Variants in CD247 observed in about 807,000 individuals in gnomAD.
The protein encoded by CD247 is T-cell surface glycoprotein CD3 zeta chain.
CD247 carries 13 observed loss-of-function variants against 30.0 expected under a neutral mutation model. The observed-to-expected ratio is 0.43, with a 90% confidence interval of 0.28 to 0.69. The LOEUF (loss-of-function observed/expected upper bound fraction) is 0.69. Among genes scored for constraint, CD247 ranks in the 30% least tolerant of loss-of-function variants. The pLI, the probability that CD247 is intolerant of heterozygous loss-of-function variation, is 0.16. For synonymous variants in CD247, 72 were observed against 80.0 expected (o/e 0.90, Z 0.53); for missense variants, 193 against 212.6 (o/e 0.91, Z 0.57).
chr1:167,438,741 GGGT>G (rs1651670348), intron 3 of CD247, 91 bp from the exon 4 acceptor site: 7 of 1,013,818 alleles, frequency 6.9e-6, no homozygotes, highest in Non-Finnish European at 1.1e-5. Flanking sequence ...TCCCTCTCTG[GGGT>G]GGCTCATAAA....
At chr1:167,489,493 G>A (rs1380909642) in intron 1 of CD247, among the ~76,000 whole-genome samples, 2 of 152,162 alleles carry the variant, frequency 1.3e-5, no homozygotes, top group African/African-American at 4.8e-5. Flanking sequence ...GGAATTCCAT[G>A]GGAAGTTTGA....
At chr1:167,434,114 T>G (rs760093486) in intron 5 of CD247, 38 bp from the exon 6 acceptor site, 2 of 1,592,516 alleles carry the variant, frequency 1.3e-6, no homozygotes, top group Non-Finnish European at 1.7e-6. Flanking sequence ...TTTTACCAAC[T>G]AATGCAGAAA....
chr1:167,436,172 A>G (rs1412322576), intron 4 of CD247, among the ~76,000 whole-genome samples: 1 of 152,264 alleles, frequency 6.6e-6, no homozygotes, highest in Non-Finnish European at 1.5e-5. Context: ...AAACGAAATC[A>G]ATAAACATGA....
At chr1:167,516,593 G>A (rs7549453) in intron 1 of CD247, among the ~76,000 whole-genome samples, 7,945 of 152,210 alleles carry the variant, frequency 0.052, 696 homozygotes, top group African/African-American at 0.18. Flanking sequence ...CGCAGCCCTC[G>A]GTGTCAAGGC....
Position 167,431,764 on chromosome 1 carries a change from C to A in CD247, c.430-18G>T. On this transcript the variant is annotated intron_variant, in intron 7 of 7. Coordinates refer to ENST00000362089, the MANE Select transcript of CD247 (RefSeq NM_198053.3). ...CTGAGACCCTGGCGTGAAAGCAAAT[C>A]AGAAAACAAAGAGTGGGTCAGTAGC... 5.0e-6 allele frequency: 8 copies of A among 1,613,208 alleles called. No homozygotes were observed. Among genetic ancestry groups the A allele is most frequent in the Non-Finnish European group, 6.8e-6 (8 of 1,179,248 alleles).
At chr1:167,461,816 C>T (rs1192995574) in intron 1 of CD247, among the ~76,000 whole-genome samples, 1 of 144,096 alleles carries the variant, frequency 6.9e-6, no homozygotes, top group African/African-American at 2.5e-5. Context: ...CCACTGCACT[C>T]CAGCCTGGGC....
intron 1 of CD247, among the ~76,000 whole-genome samples, chr1:167,470,685 G>A (rs936157799): frequency 8.6e-5 from 13 of 151,504 alleles, no homozygotes; most frequent in Admixed American, 3.9e-4. Flanking sequence ...GTTAGGGTTT[G>A]TGTTTGTTTG....
intron 1 of CD247, among the ~76,000 whole-genome samples, chr1:167,442,328 G>T (rs1050344440): frequency 2.0e-5 from 3 of 152,152 alleles, no homozygotes; most frequent in African/African-American, 7.2e-5. Context: ...CAAGGCCTGG[G>T]CGCCCTCTGG....
chr1:167,439,642 C>A, intron 2 of CD247: 1 of 570,162 alleles, frequency 1.8e-6, no homozygotes, highest in East Asian at 3.0e-5. Context: ...GGCCCAGGAC[C>A]CGCTGGAGTT....
chr1:167,503,238 G>A (rs1654985769), intron 1 of CD247, among the ~76,000 whole-genome samples: 1 of 152,172 alleles, frequency 6.6e-6, no homozygotes, highest in Admixed American at 6.5e-5. Context: ...TCATCAGGCT[G>A]AGGCCATGCC....
At position 167,506,503 on chromosome 1, in the gene CD247, G is replaced by A. The variant is rs529533706; in HGVS notation, c.58+11905C>T. On this transcript the variant is annotated intron_variant, in intron 1 of 7. Transcript: ENST00000362089. ...GCTGAGACTACAGGGGGGTGTCACC[G>A]TGCCCAGCGAATATTTTCTCTCTCT... Among the ~76,000 whole-genome samples the A allele has an allele frequency of 2.2e-3, 330 of 151,774 alleles. 1 individual carries two copies. Among genetic ancestry groups the A allele is most frequent in the African/African-American group, 7.4e-3 (308 of 41,368 alleles).
Position 167,431,599 on chromosome 1 carries a change from C to T in CD247, c.*82G>A. On this transcript the variant is annotated 3_prime_UTR_variant, in exon 8 of 8. Coordinates refer to ENST00000362089, the MANE Select transcript of CD247 (RefSeq NM_198053.3). The stretch of plus-strand genomic sequence containing the variant: ...TACTTCAGTGGCTGAGAAGAGTGAA[C>T]CGGGTTGTAAATGCTTCATCCTGTG... 8.7e-7 allele frequency: 1 copy of T among 1,144,230 alleles called. No individual in the cohort carries two copies. Among genetic ancestry groups the T allele is most frequent in the Non-Finnish European group, 1.3e-6 (1 of 750,770 alleles). 70.9% of individuals were successfully genotyped at this position (1,144,230 alleles called of 1,614,324 possible).
chr1:167,518,114 C>T (rs1655695457), intron 1 of CD247, among the ~76,000 whole-genome samples: 1 of 152,162 alleles, frequency 6.6e-6, no homozygotes, highest in Non-Finnish European at 1.5e-5. Flanking sequence ...CCTGGGCCTG[C>T]CTCGGTTGCT....
At chr1:167,497,662 A>G (rs1654745712) in intron 1 of CD247, among the ~76,000 whole-genome samples, 1 of 152,224 alleles carries the variant, frequency 6.6e-6, no homozygotes, top group Admixed American at 6.5e-5. Flanking sequence ...CACAACAGAA[A>G]AAGCACTGGG....
intron 1 of CD247, among the ~76,000 whole-genome samples, chr1:167,506,892 ATTTTTTT>A (rs10587631): frequency 2.0e-5 from 2 of 97,984 alleles, no homozygotes; most frequent in Non-Finnish European, 3.8e-5. Flanking sequence ...GTTCCCTCTG[ATTTTTTT>A]TTTTTTTTTT....
At chr1:167,455,420 C>G (rs1236229628) in intron 1 of CD247, among the ~76,000 whole-genome samples, 1 of 152,212 alleles carries the variant, frequency 6.6e-6, no homozygotes, top group African/African-American at 2.4e-5. Context: ...CCGTGAAGGA[C>G]GCCCTCCGCA....
At chr1:167,509,928 G>A (rs920061807) in intron 1 of CD247, among the ~76,000 whole-genome samples, 1 of 152,110 alleles carries the variant, frequency 6.6e-6, no homozygotes, top group African/African-American at 2.4e-5. Context: ...GACCTCTGAC[G>A]GGAGTCAGGC....
At chr1:167,456,660 C>T (rs1652689289) in intron 1 of CD247, among the ~76,000 whole-genome samples, 1 of 152,192 alleles carries the variant, frequency 6.6e-6, no homozygotes, top group Non-Finnish European at 1.5e-5. Context: ...GGGACCACCA[C>T]CTTCTGGGTT....
In CD247 at chr1:167,453,809, A is replaced by C. The variant is rs34783543; in HGVS notation, c.59-13042T>G. 6.0e-3 allele frequency among the ~76,000 whole-genome samples: 918 copies of C among 152,138 alleles called. 6 individuals carry two copies. Among genetic ancestry groups the C allele is most frequent in the African/African-American group, 0.021 (869 of 41,484 alleles). ...TCTCTGCAAATAATGACAATAACAA[A>C]ATTAGCTGGGTGTGGTGGCACACAC... On this transcript the variant is annotated intron_variant, in intron 1 of 7. Transcript: ENST00000362089.
Sources: gnomAD v4.1 joint callset for allele counts (sites outside exome capture counted in the v4.1 genomes callset) on GRCh38, gnomAD v4.1.1 for gene constraint, MANE v1.5 for transcripts, NCBI Gene and HGNC (gene_info 2026-07-23, HGNC 2026-07-21) for gene names.